The following SEMA6D variants were observed in gnomAD, a reference collection of about 807,000 sequenced individuals.
SEMA6D encodes semaphorin-6D.
SEMA6D carries 35 observed loss-of-function variants against 106.6 expected under a neutral mutation model. The observed-to-expected ratio is 0.33, with a 90% CI of 0.25 to 0.44. The LOEUF is 0.44. Ranked by LOEUF, SEMA6D falls within the 20% of genes least tolerant of loss-of-function variation. The pLI is 1.00. For synonymous variants in SEMA6D, 499 were observed against 487.7 expected (o/e 1.02, Z -0.31); for missense variants, 1,185 against 1,345.9 (o/e 0.88, Z 1.87).
chr15:47,303,287 C>T (rs2036095825), intron 1 of SEMA6D, among the ~76,000 whole-genome samples: 1 of 152,224 alleles, frequency 6.6e-6, no homozygotes, highest in East Asian at 1.9e-4. Context: ...ATAGGTTTCA[C>T]TTTCGAGGTA....
At chr15:47,305,085 C>T (rs76700004) in intron 1 of SEMA6D, among the ~76,000 whole-genome samples, 19 of 152,262 alleles carry the variant, frequency 1.2e-4, no homozygotes, top group Non-Finnish European at 2.2e-4. Context: ...TTATTAAAAA[C>T]GTAAGTTCAC....
At chr15:47,755,975 T>C (rs2147504340) in intron 1 of SEMA6D, among the ~76,000 whole-genome samples, 1 of 152,158 alleles carries the variant, frequency 6.6e-6, no homozygotes, top group South Asian at 2.1e-4. Context: ...CTCCCAAGTA[T>C]CCTGTCACTC....
intron 1 of SEMA6D, among the ~76,000 whole-genome samples, chr15:47,371,845 A>G (rs571103347): frequency 6.6e-5 from 10 of 152,318 alleles, no homozygotes; most frequent in African/African-American, 2.4e-4. Flanking sequence ...TGTCAGGCCT[A>G]TGCTGAATGC....
chr15:47,591,482 C>T (rs1368324628), intron 3 of SEMA6D, among the ~76,000 whole-genome samples: 1 of 152,108 alleles, frequency 6.6e-6, no homozygotes, highest in African/African-American at 2.4e-5. Context: ...CTCCTTGCAG[C>T]CTTTCCACAT....
At chr15:47,610,999 C>T (rs1337175880) in intron 4 of SEMA6D, among the ~76,000 whole-genome samples, 3 of 152,164 alleles carry the variant, frequency 2.0e-5, no homozygotes, top group Non-Finnish European at 4.4e-5. Context: ...AAATGGCACA[C>T]AAATGACTGA....
chr15:47,333,622 G>A (rs1162748645), intron 1 of SEMA6D, among the ~76,000 whole-genome samples: 1 of 152,122 alleles, frequency 6.6e-6, no homozygotes, highest in African/African-American at 2.4e-5. Context: ...CACTCAGTCA[G>A]TCAGCAAAGA....
intron 3 of SEMA6D, among the ~76,000 whole-genome samples, chr15:47,472,166 C>A (rs1043529937): frequency 6.6e-6 from 1 of 152,168 alleles, no homozygotes; most frequent in Non-Finnish European, 1.5e-5. Context: ...TTGGCTTTGC[C>A]ATTTCGATTC....
chr15:47,348,727 C>CAGAGAGAGAGAG (rs55719976), intron 1 of SEMA6D, among the ~76,000 whole-genome samples: 1,061 of 57,018 alleles, frequency 0.019, 72 homozygotes, highest in African/African-American at 0.031. Context: ...ACCACACACA[C>CAGAGAGAGAGAG]AGAGAGAGAG....
chr15:47,601,286 C>T (rs937580506), intron 4 of SEMA6D, among the ~76,000 whole-genome samples: 3 of 152,096 alleles, frequency 2.0e-5, no homozygotes, highest in African/African-American at 7.2e-5. Context: ...AATTAGAAAG[C>T]AAAGTGCCCC....
At position 47,766,197 on chromosome 15, in the gene SEMA6D, TC is replaced by T. The variant is rs2082328060; in HGVS notation, c.1646+16del. 1.2e-6 allele frequency: 2 copies of T among 1,607,340 alleles called. No individual in the cohort carries two copies. Among genetic ancestry groups the T allele is most frequent in the Non-Finnish European group, 8.5e-7 (1 of 1,174,462 alleles). ...CCAGGGATGCTGTAAGTATACTTTGTCACATGAGCTAGGATGAACTATCCTC... is the reference window on the plus strand; with the variant it reads ...CCAGGGATGCTGTAAGTATACTTTGTACATGAGCTAGGATGAACTATCCTC... On this transcript the variant is annotated intron_variant, in intron 15 of 18. Coordinates refer to ENST00000536845, the MANE Select transcript of SEMA6D (RefSeq NM_001358351.3).
chr15:47,297,637 C>T (rs532167959), intron 1 of SEMA6D, among the ~76,000 whole-genome samples: 18 of 152,196 alleles, frequency 1.2e-4, no homozygotes, highest in South Asian at 2.1e-4. Context: ...GGTTTCTCTC[C>T]GCAAATAACT....
intron 3 of SEMA6D, among the ~76,000 whole-genome samples, chr15:47,492,694 A>G (rs1170522757): frequency 1.3e-5 from 2 of 152,178 alleles, no homozygotes; most frequent in East Asian, 1.9e-4. Flanking sequence ...CTGTATCTAC[A>G]TATGTTTTTA....
At chr15:47,330,272 A>G (rs2037292378) in intron 1 of SEMA6D, among the ~76,000 whole-genome samples, 1 of 152,196 alleles carries the variant, frequency 6.6e-6, no homozygotes, top group African/African-American at 2.4e-5. Context: ...GTGTGTAGAC[A>G]TGATGGAGGT....
intron 2 of SEMA6D, among the ~76,000 whole-genome samples, chr15:47,455,774 G>A (rs924112326): frequency 1.3e-5 from 2 of 151,914 alleles, no homozygotes; most frequent in Non-Finnish European, 2.9e-5. Context: ...CAGATTTATT[G>A]TGAATTTAAT....
At chr15:47,239,682 T>A (rs994336882) in intron 1 of SEMA6D, among the ~76,000 whole-genome samples, 1 of 152,192 alleles carries the variant, frequency 6.6e-6, no homozygotes, top group Non-Finnish European at 1.5e-5. Flanking sequence ...CTGGCTCTGT[T>A]ACCATTGCAT....
chr15:47,771,583 C>T lies in SEMA6D; in HGVS notation c.3020C>T (p.Ala1007Val), dbSNP rs557138877. 4.7e-5 allele frequency: 76 copies of T among 1,614,074 alleles called. No individual in the cohort carries two copies. Among genetic ancestry groups the T allele is most frequent in the East Asian group, 8.9e-5 (4 of 44,864 alleles). The change falls in exon 19 of 19, where the codon GCG becomes GTG. Residue 1007 changes from alanine (A) to valine (V), a missense_variant. Transcript: ENST00000536845. ...RGGYMPTPTG[A>V]KVDYIQGTPV... ...GGATATATGCCCACCCCCACTGGGG[C>T]GAAGGTGGACTATATTCAGGGAACA...
At chr15:47,680,458 A>G (rs2078330500) in intron 4 of SEMA6D, among the ~76,000 whole-genome samples, 1 of 152,202 alleles carries the variant, frequency 6.6e-6, no homozygotes, top group African/African-American at 2.4e-5. Flanking sequence ...ATACAAGAAC[A>G]TAGGTACTAA....
At chr15:47,395,223 G>A (rs1283319119) in intron 1 of SEMA6D, among the ~76,000 whole-genome samples, 1 of 152,090 alleles carries the variant, frequency 6.6e-6, no homozygotes, top group Admixed American at 6.5e-5. Flanking sequence ...ACAGTGAGGG[G>A]GAAGAGATTT....
intron 2 of SEMA6D, among the ~76,000 whole-genome samples, chr15:47,451,898 T>A (rs1040638013): frequency 3.3e-5 from 5 of 152,020 alleles, no homozygotes; most frequent in African/African-American, 1.2e-4. Context: ...TAAAAATGGA[T>A]ACATTCTATT....
Sources: allele counts gnomAD v4.1 joint callset (sites outside exome capture counted in the v4.1 genomes callset), GRCh38; gene constraint gnomAD v4.1.1; transcripts MANE v1.5; gene names NCBI Gene and HGNC (gene_info 2026-07-23, HGNC 2026-07-21).